The following SLC5A12 variants were observed in gnomAD, a reference collection of about 807,000 sequenced individuals.
SLC5A12 encodes sodium-coupled monocarboxylate transporter 2.
Under a neutral mutation model 72.7 loss-of-function variants are expected in SLC5A12, and 46 were observed. The ratio of observed to expected loss-of-function variants is 0.63; its 90% confidence interval spans 0.50 to 0.81. SLC5A12 has a LOEUF of 0.81. Among genes scored for constraint, SLC5A12 ranks in the 30% least tolerant of loss-of-function variants. SLC5A12 has a pLI of 0.00. For synonymous variants in SLC5A12, 275 were observed against 264.4 expected, an observed-to-expected ratio of 1.04 and a Z score of -0.39; for missense variants, 683 against 740.7, an observed-to-expected ratio of 0.92 and a Z score of 0.90.
intron 4 of SLC5A12, among the ~76,000 whole-genome samples, chr11:26,707,290 T>C (rs796198376): frequency 9.2e-5 from 14 of 152,136 alleles, no homozygotes; most frequent in African/African-American, 3.4e-4. Flanking sequence ...TATCCAGGTA[T>C]AAACGTATTC....
intron 1 of SLC5A12, among the ~76,000 whole-genome samples, chr11:26,718,526 G>C (rs1590744606): frequency 6.6e-6 from 1 of 151,940 alleles, no homozygotes; most frequent in East Asian, 1.9e-4. Context: ...GTGGATCTCG[G>C]CAGTTCACTG....
In SLC5A12 at chr11:26,668,497, A is replaced by G. The variant is rs547187533; in HGVS notation, c.*2605T>C. The G allele has an allele frequency of 2.6e-5, 4 of 152,234 alleles. No homozygotes were observed. The South Asian group carries it at 6.2e-4, about 24-fold the overall frequency. 9.4% of individuals were successfully genotyped at this position (152,234 alleles called of 1,614,324 possible). A position where few individuals can be genotyped will look rare whatever the true frequency, so the allele number is the denominator to read the frequency against. ...TTTGTACTGCACCAGTGGCCTTGGC[A>G]TGACTCTGGGCTGCTAATCCTAGTG... On this transcript the variant is annotated 3_prime_UTR_variant, in exon 15 of 15. Coordinates refer to ENST00000396005, the MANE Select transcript of SLC5A12 (RefSeq NM_178498.4).
intron 1 of SLC5A12, among the ~76,000 whole-genome samples, chr11:26,719,995 TA>T (rs901114283): frequency 3.3e-5 from 5 of 152,148 alleles, no homozygotes; most frequent in African/African-American, 9.7e-5. Context: ...AGTACCTGTC[TA>T]AAAAAGATTG....
At chr11:26,680,998 C>T in intron 12 of SLC5A12, 57 bp downstream of exon 12, 1 of 1,429,228 alleles carries the variant, frequency 7.0e-7, no homozygotes, top group East Asian at 2.4e-5. Flanking sequence ...AGTGCACCTC[C>T]CTCTTACCAG....
intron 4 of SLC5A12, among the ~76,000 whole-genome samples, chr11:26,707,411 C>T (rs1855115526): frequency 6.6e-6 from 1 of 151,990 alleles, no homozygotes; most frequent in Non-Finnish European, 1.5e-5. Context: ...CACCTCCATT[C>T]TATTTATACT....
rs1428039323 is a variant in SLC5A12 at position 26,667,421 on chromosome 11, G to A, written c.*3681C>T. 6.6e-6 allele frequency: 1 copy of A among 151,850 alleles called. No homozygotes were observed. Among genetic ancestry groups the A allele is most frequent in the Non-Finnish European group, 1.5e-5 (1 of 67,852 alleles). The allele number at this position is 151,850 out of a possible 1,614,324, so 9.4% of individuals were successfully genotyped here. On this transcript the variant is annotated 3_prime_UTR_variant, in exon 15 of 15. Transcript: ENST00000396005. ...ACTGTTTGAAAGCCACATGGCCAAT[G>A]GTTTACTTTTTGTTTCTCTTTAGAA...
At chr11:26,681,290 G>GCAC in intron 11 of SLC5A12, 69 bp from the exon 12 acceptor site, 2 of 1,320,086 alleles carry the variant, frequency 1.5e-6, no homozygotes, top group Non-Finnish European at 2.0e-6. Flanking sequence ...AATGAGATGA[G>GCAC]GAGTTCTATG....
chr11:26,712,717 CAGAA>C lies in SLC5A12; in HGVS notation c.340-15_340-12del. 1 of 1,573,526 alleles carries C rather than the reference CAGAA, an allele frequency of 6.4e-7. No individual in the cohort carries two copies. The highest frequency in any genetic ancestry group is 8.7e-7 in the Non-Finnish European group (1 of 1,150,380). ...TCGTAGTTGTAAGTACTAAAGGAAA[CAGAA>C]AGACATGCAGAGTCAGTGAGGTTTA... On this transcript the variant is annotated splice_polypyrimidine_tract_variant and intron_variant, in intron 1 of 14. Transcript: ENST00000396005.
At chr11:26,677,056 G>A (rs937934383) in intron 13 of SLC5A12, among the ~76,000 whole-genome samples, 1 of 151,644 alleles carries the variant, frequency 6.6e-6, no homozygotes, top group Non-Finnish European at 1.5e-5. Flanking sequence ...CAGAAGATTT[G>A]TTAAAGCCTC....
rs1334997970 is a variant in SLC5A12 at position 26,667,020 on chromosome 11, T to G, written c.*4082A>C. ...ACCAATAAAATCTACCCATTAGTAATTTACTATCAATGACGAGTTACATTT... is the reference window on the plus strand; with the variant it reads ...ACCAATAAAATCTACCCATTAGTAAGTTACTATCAATGACGAGTTACATTT... On this transcript the variant is annotated 3_prime_UTR_variant, in exon 15 of 15. Transcript: ENST00000396005. 6.6e-6 allele frequency: 1 copy of G among 151,898 alleles called. No homozygotes were observed. The highest frequency in any genetic ancestry group is 1.5e-5 in the Non-Finnish European group (1 of 67,838). The allele number at this position is 151,898 out of a possible 1,614,324, so 9.4% of individuals were successfully genotyped here. A position where few individuals can be genotyped will look rare whatever the true frequency, so the allele number is the denominator to read the frequency against.
rs758740051 is a variant in SLC5A12 at position 26,673,416 on chromosome 11, T to C, written c.1693A>G (p.Ser565Gly). 14 of 1,600,736 alleles carry C rather than the reference T, an allele frequency of 8.7e-6. No individual in the cohort carries two copies. In the South Asian group the frequency reaches 1.5e-4, roughly 17 times the overall value. ...CATCAGCTCACCTGCTCTGTCCCAC[T>C]GTCATGCTGAACTCCACACCAGCAT... ...TLCWCGVQHDSGTEQENLENG... is the reference protein window; with the variant it reads ...TLCWCGVQHDGGTEQENLENG... Residue 565 changes from serine to glycine, a missense_variant, in exon 14 of 15, where the codon AGT becomes GGT. Ser to Gly is a moderately conservative substitution (Grantham distance 56). Coordinates refer to ENST00000396005, the MANE Select transcript of SLC5A12 (RefSeq NM_178498.4).
chr11:26,680,924 G>T, intron 12 of SLC5A12, 131 bp downstream of exon 12: 1 of 820,590 alleles, frequency 1.2e-6, no homozygotes, highest in Non-Finnish European at 1.7e-6. Context: ...CTTCAGTGCT[G>T]GGTACTTCCC....
At position 26,721,750 on chromosome 11, in the gene SLC5A12, G is replaced by C. The variant is rs779516981; in HGVS notation, c.-36C>G. 48 of 1,569,302 alleles carry C rather than the reference G, an allele frequency of 3.1e-5. No homozygotes were observed. The highest frequency in any genetic ancestry group is 3.9e-5 in the Non-Finnish European group (45 of 1,153,218). On this transcript the variant is annotated 5_prime_UTR_variant, in exon 1 of 15. Transcript: ENST00000396005. ...ATGACACCAGAGAGTTTCTTTCAAC[G>C]AGGTCTCAGGAAGAAGATGTTTCCA...
intron 6 of SLC5A12, among the ~76,000 whole-genome samples, chr11:26,700,446 A>G (rs2133189406): frequency 6.6e-6 from 1 of 152,278 alleles, no homozygotes; most frequent in Non-Finnish European, 1.5e-5. Context: ...GCAGGAAGCA[A>G]TGCAGAAGAC....
intron 13 of SLC5A12, among the ~76,000 whole-genome samples, chr11:26,675,707 C>T (rs1327760214): frequency 2.6e-5 from 4 of 152,140 alleles, no homozygotes; most frequent in Non-Finnish European, 5.9e-5. Context: ...CAACTCTATG[C>T]CAAGGTACTG....
intron 7 of SLC5A12, among the ~76,000 whole-genome samples, chr11:26,697,596 G>A (rs1050856171): frequency 6.6e-6 from 1 of 152,028 alleles, no homozygotes; most frequent in Non-Finnish European, 1.5e-5. Context: ...AGAGAGGGAA[G>A]GCAAATGATT....
chr11:26,710,937 A>G (rs1354847698), intron 3 of SLC5A12, among the ~76,000 whole-genome samples: 1 of 152,072 alleles, frequency 6.6e-6, no homozygotes, highest in Non-Finnish European at 1.5e-5. Flanking sequence ...AGCAACTTTT[A>G]TACTGAGATT....
At chr11:26,705,236 A>AAGAAGAAGGAAGGAAAAAG (rs1855055583) in intron 4 of SLC5A12, among the ~76,000 whole-genome samples, 1 of 152,018 alleles carries the variant, frequency 6.6e-6, no homozygotes, top group Non-Finnish European at 1.5e-5. Flanking sequence ...ACATTTGGGC[A>AAGAAGAAGGAAGGAAAAAG]AGAAGAAGGA....
At chr11:26,722,419 C>T (rs1031309539), upstream of SLC5A12, among the ~76,000 whole-genome samples, 1 of 152,166 alleles carries the variant, frequency 6.6e-6, no homozygotes, top group Admixed American at 6.5e-5. Context: ...TAAGACCTTA[C>T]AAGGTCTTTA....
Sources: gnomAD v4.1 joint callset for allele counts (sites outside exome capture counted in the v4.1 genomes callset) on GRCh38, gnomAD v4.1.1 for gene constraint, MANE v1.5 for transcripts, NCBI Gene and HGNC (gene_info 2026-07-23, HGNC 2026-07-21) for gene names.